PARP12: variants seen among roughly 807,000 people sequenced by gnomAD.
PARP12 encodes poly(ADP-ribose) polymerase family member 12, also known as protein mono-ADP-ribosyltransferase PARP12.
A neutral mutation model predicts 72.4 loss-of-function variants in PARP12; 59 were observed. The observed-to-expected ratio is 0.81, with a 90% CI of 0.66 to 1.01. The LOEUF (loss-of-function observed/expected upper bound fraction) is 1.01. Among genes scored for constraint, PARP12 ranks in the 50% least tolerant of loss-of-function variants. PARP12 has a pLI of 0.00. For synonymous variants in PARP12, 403 were observed against 371.4 expected (o/e 1.09, Z -0.98); for missense variants, 851 against 914.0 (o/e 0.93, Z 0.89).
Position 140,058,416 on chromosome 7 carries a change from C to A in PARP12, c.327-382G>T, listed in dbSNP as rs564980795. Among the ~76,000 whole-genome samples the A allele has an allele frequency of 3.3e-5, 5 of 151,416 alleles. No individual in the cohort carries two copies. In the South Asian group the frequency reaches 6.2e-4, roughly 19 times the overall value. On this transcript the variant is annotated intron_variant, in intron 1 of 11. Coordinates refer to ENST00000263549, the MANE Select transcript of PARP12 (RefSeq NM_022750.4). ...GTCCCAGCTACTCTGGAGGCTGAGG[C>A]AGAAGAATGGCATGAACCCGAGAGG...
chr7:140,060,891 A>G lies in PARP12; in HGVS notation c.326+1631T>C, dbSNP rs184800964. On this transcript the variant is annotated intron_variant, in intron 1 of 11. Coordinates refer to ENST00000263549, the MANE Select transcript of PARP12 (RefSeq NM_022750.4). ...TACACCGCCCAATATCTCCCAAACCAGCCCAGCGCATTGGGGCCCTGGCCT... is the reference window on the plus strand; with the variant it reads ...TACACCGCCCAATATCTCCCAAACCGGCCCAGCGCATTGGGGCCCTGGCCT... Among the ~76,000 whole-genome samples the G allele has an allele frequency of 3.5e-3, 540 of 152,224 alleles. 14 individuals are homozygous for G. Among genetic ancestry groups the G allele is most frequent in the Non-Finnish European group, 7.5e-4 (51 of 68,018 alleles).
intron 11 of PARP12, 35 bp downstream of exon 11, chr7:140,026,162 A>G (rs1815729283): frequency 6.2e-7 from 1 of 1,613,992 alleles, no homozygotes; most frequent in African/African-American, 1.3e-5. Context: ...GCAAAGCAAC[A>G]TGGGTTTTGC....
chr7:140,053,235 A>G (rs1817033593), intron 4 of PARP12, among the ~76,000 whole-genome samples: 1 of 152,234 alleles, frequency 6.6e-6, no homozygotes, highest in East Asian at 1.9e-4. Context: ...ATTGCAGTCA[A>G]TCATGCAATG....
intron 4 of PARP12, among the ~76,000 whole-genome samples, chr7:140,050,282 G>A (rs1816909362): frequency 6.6e-6 from 1 of 152,110 alleles, no homozygotes; most frequent in Non-Finnish European, 1.5e-5. Flanking sequence ...GAGAACAATG[G>A]GAGCCCCTGG....
At chr7:140,058,148 C>T in intron 1 of PARP12, 114 bp from the exon 2 acceptor site, 4 of 1,202,378 alleles carry the variant, frequency 3.3e-6, no homozygotes, top group Non-Finnish European at 1.2e-6. Flanking sequence ...AAGAAGGTCT[C>T]TAAAGAGGTA....
At position 140,053,264 on chromosome 7, in the gene PARP12, A is replaced by C. The variant is rs141618409; in HGVS notation, c.862+1398T>G. 9.9e-4 allele frequency among the ~76,000 whole-genome samples: 151 copies of C among 152,354 alleles called. 2 individuals carry two copies. The highest frequency in any genetic ancestry group is 3.3e-3 in the African/African-American group (139 of 41,588). On this transcript the variant is annotated intron_variant, in intron 4 of 11. Coordinates refer to ENST00000263549, the MANE Select transcript of PARP12 (RefSeq NM_022750.4). ...TGCAATGGAATACTACTGTGCAATAAAAAGAAACAAATGATTGATATGCCA... is the reference window on the plus strand; with the variant it reads ...TGCAATGGAATACTACTGTGCAATACAAAGAAACAAATGATTGATATGCCA...
Position 140,062,560 on chromosome 7 carries a change from C to A in PARP12, c.288G>T (p.Arg96Ser). 1 of 1,555,536 alleles carries A rather than the reference C, an allele frequency of 6.4e-7. No homozygotes were observed. The change falls in exon 1 of 12, where the codon AGG (arginine) becomes AGT (serine). Residue 96 changes from arginine (R) to serine (S), a missense_variant. Physicochemically the swap from Arg to Ser is moderately radical, Grantham distance 110. Around this residue, in one of 3 missense-constraint regions of PARP12, gnomAD observed 492 missense variants for 489.3 expected, o/e 1.01. Transcript: ENST00000263549. ...ACTTGCAGGCGCCGTAGACCATGAA[C>A]CTGCAGAGGTGGAGCTGCGCGCAGA... is the stretch of plus-strand genomic sequence containing the variant. ...VGLCAQLHLCRFMVYGACKFL... is the reference protein window; with the variant it reads ...VGLCAQLHLCSFMVYGACKFL...
chr7:140,026,534 G>C (rs1004565782), intron 10 of PARP12, among the ~76,000 whole-genome samples, 186 bp from the exon 11 acceptor site: 1 of 152,332 alleles, frequency 6.6e-6, no homozygotes. Context: ...GAAAAGAAGG[G>C]GGATCGTGGG....
At chr7:140,037,264 C>T (rs1290481398) in intron 7 of PARP12, among the ~76,000 whole-genome samples, 1 of 152,186 alleles carries the variant, frequency 6.6e-6, no homozygotes, top group Non-Finnish European at 1.5e-5. Context: ...GCGGAGGTTG[C>T]AGTGAGCCAA....
chr7:140,050,184 A>G (rs1167449428), intron 4 of PARP12, among the ~76,000 whole-genome samples: 1 of 152,222 alleles, frequency 6.6e-6, no homozygotes, highest in African/African-American at 2.4e-5. Flanking sequence ...TGCAGAACAT[A>G]CCACAGAAGT....
chr7:140,057,110 C>G lies in PARP12; in HGVS notation c.506G>C (p.Cys169Ser). 3 of 1,614,064 alleles carry G rather than the reference C, an allele frequency of 1.9e-6. No individual in the cohort carries two copies. Among genetic ancestry groups the G allele is most frequent in the Non-Finnish European group, 2.5e-6 (3 of 1,180,032 alleles). ...YNKGDGPHGS[C>S]AFQKQCIKLH... ...CTTGATGCACTGCTTTTGAAAGGCACAAGAGCCGTGGGGTCCATCTCCTTT... is the reference window on the plus strand; with the variant it reads ...CTTGATGCACTGCTTTTGAAAGGCAGAAGAGCCGTGGGGTCCATCTCCTTT... The change falls in exon 3 of 12, where the codon TGT (cysteine) becomes TCT (serine). Residue 169 changes from cysteine (C) to serine (S), a missense_variant. Cys to Ser is a moderately radical substitution (Grantham distance 112). This residue lies in a region of PARP12 where 492 missense variants were observed against 489.3 expected (regional missense o/e 1.01). Transcript: ENST00000263549.
At chr7:140,043,775 G>A (rs532758132) in intron 5 of PARP12, among the ~76,000 whole-genome samples, 6 of 152,204 alleles carry the variant, frequency 3.9e-5, no homozygotes, top group South Asian at 2.1e-4. Flanking sequence ...CAAGCCATCC[G>A]CCCTCCTCAG....
At chr7:140,059,361 T>TAC (rs36173318) in intron 1 of PARP12, among the ~76,000 whole-genome samples, 9,806 of 148,384 alleles carry the variant, frequency 0.066, 492 homozygotes, top group African/African-American at 0.14. Flanking sequence ...CAGGCGTGTA[T>TAC]ACACACACAC....
At chr7:140,037,114 G>A (rs1328619735) in intron 7 of PARP12, among the ~76,000 whole-genome samples, 1 of 152,226 alleles carries the variant, frequency 6.6e-6, no homozygotes, top group African/African-American at 2.4e-5. Flanking sequence ...CTTGAGGACA[G>A]GAATTCAAGA....
chr7:140,030,932 T>G (rs1165850274), intron 8 of PARP12, among the ~76,000 whole-genome samples: 1 of 151,950 alleles, frequency 6.6e-6, no homozygotes, highest in Non-Finnish European at 1.5e-5. Context: ...AAGGACAAAG[T>G]GGTAAAAATG....
chr7:140,050,741 A>G (rs754326701), intron 4 of PARP12, among the ~76,000 whole-genome samples: 13 of 152,214 alleles, frequency 8.5e-5, no homozygotes, highest in Non-Finnish European at 1.9e-4. Context: ...GGAAAACACC[A>G]TAAGAGAAAA....
intron 4 of PARP12, among the ~76,000 whole-genome samples, chr7:140,048,445 A>G (rs1816824895): frequency 1.3e-5 from 2 of 152,186 alleles, no homozygotes; most frequent in Admixed American, 6.5e-5. Flanking sequence ...CACACAGAGA[A>G]GTGTCATGAG....
intron 10 of PARP12, 39 bp from the exon 11 acceptor site, chr7:140,026,387 G>T: frequency 6.3e-7 from 1 of 1,584,488 alleles, no homozygotes; most frequent in Non-Finnish European, 8.6e-7. Context: ...GGCAGAGTGT[G>T]CCGGCCACCA....
At chr7:140,061,492 G>C (rs1056282676) in intron 1 of PARP12, among the ~76,000 whole-genome samples, 2 of 152,146 alleles carry the variant, frequency 1.3e-5, no homozygotes, top group African/African-American at 4.8e-5. Context: ...CAAGAAAGGA[G>C]GGAGCAGGGG....
Sources: gnomAD v4.1 joint callset for allele counts (sites outside exome capture counted in the v4.1 genomes callset) on GRCh38, gnomAD v4.1.1 for gene constraint, gnomAD v4.1.1 regional missense constraint, MANE v1.5 for transcripts, NCBI Gene and HGNC (gene_info 2026-07-23, HGNC 2026-07-21) for gene names.